The following VWA5B1 variants were observed in gnomAD, a reference collection of about 807,000 sequenced individuals.
VWA5B1 encodes von Willebrand factor A domain containing 5B1, also known as von Willebrand factor A domain-containing protein 5B1.
A neutral mutation model predicts 118.2 loss-of-function variants in VWA5B1; 115 were observed. The ratio of observed to expected loss-of-function variants is 0.97; its 90% CI spans 0.84 to 1.14. The LOEUF is 1.14. Ranked by LOEUF, VWA5B1 falls within the 50% of genes most tolerant of loss-of-function variation. VWA5B1 has a pLI of 0.00. For missense variants in VWA5B1, 1,596 were observed against 1,603.8 expected (o/e 1.00, Z 0.08); for synonymous variants, 682 against 658.4 (o/e 1.04, Z -0.55).
chr1:20,350,344 A>G, intron 19 of VWA5B1, 114 bp downstream of exon 19: 1 of 1,175,818 alleles, frequency 8.5e-7, no homozygotes, highest in Non-Finnish European at 1.2e-6. Context: ...GAGTCCTCAA[A>G]GCAGCCGTCT....
At chr1:20,313,068 G>A (rs1160201868) in intron 3 of VWA5B1, 80 bp downstream of exon 3, 1 of 1,498,964 alleles carries the variant, frequency 6.7e-7, no homozygotes, top group South Asian at 1.3e-5. Context: ...CAGGCCAACT[G>A]CAAGGATAGC....
At chr1:20,349,545 C>T (rs1219363851) in intron 18 of VWA5B1, among the ~76,000 whole-genome samples, 4 of 151,794 alleles carry the variant, frequency 2.6e-5, no homozygotes, top group East Asian at 1.9e-4. Context: ...CACCATGCCC[C>T]GCTCATTTTA....
rs188600892 is a variant in VWA5B1, at chr1:20,334,253, G to T, written c.1758+1302G>T. 2.1e-4 allele frequency among the ~76,000 whole-genome samples: 32 copies of T among 152,304 alleles called. No homozygotes were observed. The East Asian group carries it at 6.2e-3, about 29-fold the overall frequency. On this transcript the variant is annotated intron_variant, in intron 12 of 21. Coordinates refer to ENST00000289815, the MANE Select transcript of VWA5B1 (RefSeq NM_001039500.3). ...GTTATGGAAAATGGAGTGTTCAGCC[G>T]CAGGGAGAAAATGCTAAACAAAATG...
chr1:20,333,081 A>G, intron 12 of VWA5B1, 130 bp downstream of exon 12: 1 of 1,158,950 alleles, frequency 8.6e-7, no homozygotes, highest in Non-Finnish European at 1.2e-6. Context: ...GTGGGTTTAC[A>G]GTTTTCCCAG....
intron 9 of VWA5B1, 120 bp from the exon 10 acceptor site, chr1:20,330,060 G>A: frequency 8.8e-7 from 1 of 1,140,816 alleles, no homozygotes; most frequent in Non-Finnish European, 1.3e-6. Flanking sequence ...ATGAAATTGG[G>A]AGCATGGGTC....
At chr1:20,322,900 C>T (rs1050481111) in intron 7 of VWA5B1, among the ~76,000 whole-genome samples, 4 of 152,082 alleles carry the variant, frequency 2.6e-5, no homozygotes, top group African/African-American at 7.2e-5. Context: ...GGGAGAGAAT[C>T]GGTAAACCAA....
chr1:20,316,327 C>G (rs1024048871), intron 4 of VWA5B1, among the ~76,000 whole-genome samples: 9 of 152,090 alleles, frequency 5.9e-5, no homozygotes, highest in Non-Finnish European at 2.9e-5. Flanking sequence ...TTTGTGGATG[C>G]AGGGAGGCCG....
At chr1:20,349,862 A>G (rs2090090320) in intron 18 of VWA5B1, among the ~76,000 whole-genome samples, 1 of 151,240 alleles carries the variant, frequency 6.6e-6, no homozygotes, top group Non-Finnish European at 1.5e-5. Flanking sequence ...AGATAATATT[A>G]TCCCCAATTT....
intron 1 of VWA5B1, among the ~76,000 whole-genome samples, chr1:20,293,925 C>T (rs976178253): frequency 1.3e-5 from 2 of 152,022 alleles, no homozygotes; most frequent in African/African-American, 2.4e-5. Flanking sequence ...GTGTTTCCCA[C>T]GTGACTGGAG....
chr1:20,294,738 C>A (rs1340407992), intron 1 of VWA5B1, among the ~76,000 whole-genome samples: 1 of 152,076 alleles, frequency 6.6e-6, no homozygotes, highest in African/African-American at 2.4e-5. Context: ...TACAGGCATG[C>A]ACCACCACGC....
At chr1:20,307,901 G>A (rs957268466) in intron 1 of VWA5B1, among the ~76,000 whole-genome samples, 2 of 151,560 alleles carry the variant, frequency 1.3e-5, no homozygotes, top group Non-Finnish European at 2.9e-5. Context: ...TTTAGATTTA[G>A]GGGGTACATA....
At chr1:20,292,612 CA>C (rs1236140101) in intron 1 of VWA5B1, among the ~76,000 whole-genome samples, 2 of 152,090 alleles carry the variant, frequency 1.3e-5, no homozygotes, top group Non-Finnish European at 2.9e-5. Flanking sequence ...TGCTGCTGTG[CA>C]GGGATTTAAG....
intron 5 of VWA5B1, among the ~76,000 whole-genome samples, chr1:20,317,906 G>A (rs1015755278): frequency 6.6e-6 from 1 of 151,742 alleles, no homozygotes; most frequent in African/African-American, 2.4e-5. Flanking sequence ...TGGCTTCCTC[G>A]GAAGAATGTC....
rs932312745 is a variant in VWA5B1 at position 20,358,008 on chromosome 1, G to A, written c.*3745G>A. Among the ~76,000 whole-genome samples the A allele has an allele frequency of 6.6e-6, 1 of 152,166 alleles. No homozygotes were observed. On this transcript the variant is annotated 3_prime_UTR_variant, in exon 22 of 22. Coordinates refer to ENST00000289815, the MANE Select transcript of VWA5B1 (RefSeq NM_001039500.3). ...GCAGAACCCTGTCTCAGGCCCCTCA[G>A]CTCGAGACCAACTCCAGATGCCAGG...
chr1:20,317,379 C>A, intron 4 of VWA5B1, 151 bp from the exon 5 acceptor site: 2 of 1,074,980 alleles, frequency 1.9e-6, no homozygotes. Context: ...CAGGCTCTCC[C>A]TGGGGTCAGG....
At chr1:20,316,853 G>C (rs898182762) in intron 4 of VWA5B1, among the ~76,000 whole-genome samples, 3 of 152,150 alleles carry the variant, frequency 2.0e-5, no homozygotes, top group Admixed American at 6.5e-5. Context: ...TTTCACCATG[G>C]AGCCAGACAG....
At chr1:20,308,621 T>C (rs2088742154) in intron 1 of VWA5B1, among the ~76,000 whole-genome samples, 1 of 151,984 alleles carries the variant, frequency 6.6e-6, no homozygotes, top group Non-Finnish European at 1.5e-5. Context: ...AGGAGAGAGA[T>C]CTCCTGAGAG....
At position 20,317,517 on chromosome 1, in the gene VWA5B1, G is replaced by A. The variant is rs374831642; in HGVS notation, c.564-13G>A. ...CTGGCTGGTCTCCTTTCCTTCCCCC[G>A]GCCCTTTTCCAGCAAAGACAGGCAC... On this transcript the variant is annotated splice_polypyrimidine_tract_variant and intron_variant, in intron 4 of 21. Coordinates refer to ENST00000289815, the MANE Select transcript of VWA5B1 (RefSeq NM_001039500.3). 114 of 1,550,832 alleles carry A rather than the reference G, an allele frequency of 7.4e-5. No homozygotes were observed. The South Asian group carries it at 1.0e-3, about 14-fold the overall frequency.
At position 20,327,791 on chromosome 1, in the gene VWA5B1, G is replaced by A. The variant is rs553096227; in HGVS notation, c.1144-99G>A. The A allele has an allele frequency of 7.8e-6, 8 of 1,021,400 alleles. No homozygotes were observed. In the South Asian group the frequency reaches 1.1e-4, roughly 14 times the overall value. The allele number at this position is 1,021,400 out of a possible 1,614,324, so 63.3% of individuals were successfully genotyped here. A position where few individuals can be genotyped will look rare whatever the true frequency, so the allele number is the denominator to read the frequency against. ...GACAGAGGAGGGTAAAGGTCTGTTT[G>A]GAGGCTGCTCGTGTGCTGGGAAAGG... is the stretch of plus-strand genomic sequence containing the variant. On this transcript the variant is annotated intron_variant, in intron 8 of 21. Coordinates refer to ENST00000289815, the MANE Select transcript of VWA5B1 (RefSeq NM_001039500.3).
Sources: gnomAD v4.1 joint callset for allele counts (sites outside exome capture counted in the v4.1 genomes callset) on GRCh38, gnomAD v4.1.1 for gene constraint, MANE v1.5 for transcripts, NCBI Gene and HGNC (gene_info 2026-07-23, HGNC 2026-07-21) for gene names.